The following EYS variants were observed in gnomAD, a reference collection of about 807,000 sequenced individuals.
EYS encodes protein eyes shut homolog.
A neutral mutation model predicts 282.1 loss-of-function variants in EYS; 250 were observed. The observed-to-expected ratio is 0.89, with a 90% CI of 0.80 to 0.98. EYS has a LOEUF of 0.98. Ranked by LOEUF, EYS falls within the 50% of genes least tolerant of loss-of-function variation. The pLI is 0.00. For synonymous variants in EYS, 1,355 were observed against 1,282.9 expected (o/e 1.06, Z -1.20); for missense variants, 4,016 against 3,709.0 (o/e 1.08, Z -2.15).
chr6:63,876,968 A>G (rs964296376), intron 35 of EYS, among the ~76,000 whole-genome samples: 3 of 152,140 alleles, frequency 2.0e-5, no homozygotes, highest in African/African-American at 4.8e-5. Flanking sequence ...GCCCATTTAC[A>G]TTTAAGGTTA....
At chr6:64,094,074 T>G (rs1398845914) in intron 31 of EYS, among the ~76,000 whole-genome samples, 1 of 152,222 alleles carries the variant, frequency 6.6e-6, no homozygotes, top group Non-Finnish European at 1.5e-5. Context: ...TTTGCGTATG[T>G]GGAACCAGCC....
chr6:63,844,227 T>C (rs1772039632), intron 36 of EYS, among the ~76,000 whole-genome samples: 2 of 152,234 alleles, frequency 1.3e-5, no homozygotes, highest in African/African-American at 4.8e-5. Context: ...AGTGTATATG[T>C]ACCATATTTT....
intron 5 of EYS, among the ~76,000 whole-genome samples, chr6:65,469,875 G>A (rs1765144828): frequency 6.6e-6 from 1 of 152,080 alleles, no homozygotes; most frequent in Admixed American, 6.6e-5. Flanking sequence ...CCTAGCTTTA[G>A]CCTAAGTATA....
intron 12 of EYS, 57 bp downstream of exon 12, chr6:65,295,806 T>C: frequency 7.5e-7 from 1 of 1,334,956 alleles, no homozygotes; most frequent in Non-Finnish European, 1.0e-6. Flanking sequence ...ATCAAATAAA[T>C]ATATTAACAA....
At chr6:63,812,481 A>G (rs1006338378) in intron 36 of EYS, among the ~76,000 whole-genome samples, 2 of 152,038 alleles carry the variant, frequency 1.3e-5, no homozygotes, top group African/African-American at 2.4e-5. Context: ...CTTTATTTAC[A>G]TGGCCCAATT....
chr6:65,604,824 C>T (rs1427403506), intron 2 of EYS, among the ~76,000 whole-genome samples: 2 of 145,990 alleles, frequency 1.4e-5, no homozygotes, highest in African/African-American at 5.0e-5. Context: ...TGTAAAAGAC[C>T]TTTAAATTCA....
chr6:65,391,974 T>C (rs1409539290), intron 7 of EYS, among the ~76,000 whole-genome samples: 1 of 151,608 alleles, frequency 6.6e-6, no homozygotes, highest in East Asian at 1.9e-4. Flanking sequence ...AAAACAGAGA[T>C]ATAGATCAAT....
chr6:64,310,956 A>T (rs1218640076), intron 29 of EYS, among the ~76,000 whole-genome samples: 4 of 152,164 alleles, frequency 2.6e-5, no homozygotes, highest in Non-Finnish European at 5.9e-5. Context: ...AAATTTATCC[A>T]ATCTTCATTT....
At chr6:64,514,448 C>T (rs1303060898) in intron 26 of EYS, among the ~76,000 whole-genome samples, 1 of 151,776 alleles carries the variant, frequency 6.6e-6, no homozygotes, top group Admixed American at 6.6e-5. Context: ...TCAGGACAGC[C>T]GGGCCATGGC....
At chr6:65,510,987 G>A (rs1452161998) in intron 2 of EYS, among the ~76,000 whole-genome samples, 3 of 152,102 alleles carry the variant, frequency 2.0e-5, no homozygotes, top group Admixed American at 1.3e-4. Context: ...ACTTTAAGGC[G>A]AGGGTTAATT....
chr6:64,430,565 G>T (rs1774544153), intron 28 of EYS, among the ~76,000 whole-genome samples: 1 of 152,160 alleles, frequency 6.6e-6, no homozygotes, highest in East Asian at 1.9e-4. Context: ...ACTACTAAGT[G>T]TTATAAATTG....
intron 15 of EYS, among the ~76,000 whole-genome samples, chr6:64,916,179 C>T (rs545897679): frequency 6.6e-6 from 1 of 152,226 alleles, no homozygotes; most frequent in South Asian, 2.1e-4. Context: ...GGGTATTGCA[C>T]AAGTATTTAT....
At chr6:63,867,113 A>G (rs1581912080) in intron 35 of EYS, among the ~76,000 whole-genome samples, 1 of 152,122 alleles carries the variant, frequency 6.6e-6, no homozygotes, top group Admixed American at 6.6e-5. Context: ...GGCAGTGTTG[A>G]CCCAGAAAGG....
Position 64,392,589 on chromosome 6 carries a change from G to C in EYS, c.5928-3749C>G, listed in dbSNP as rs201339933. On this transcript the variant is annotated intron_variant, in intron 28 of 42. Coordinates refer to ENST00000503581, the MANE Select transcript of EYS (RefSeq NM_001142800.2). ...GTTCTTTGAAACCAATGAGAACAAA[G>C]ACACAACATACCAGAATCTCTGGGA... 1.3e-4 allele frequency among the ~76,000 whole-genome samples: 19 copies of C among 151,766 alleles called. No individual in the cohort carries two copies. In the East Asian group the frequency reaches 3.3e-3, roughly 26 times the overall value.
intron 39 of EYS, among the ~76,000 whole-genome samples, chr6:63,780,406 C>T (rs1455463992): frequency 6.6e-6 from 1 of 152,118 alleles, no homozygotes. Flanking sequence ...CTCTCCAGCA[C>T]CTGTTGTTTC....
In EYS at chr6:64,686,742, A is replaced by AATATATATATATATATATGTGTATAT. The variant is rs1562133589; in HGVS notation, c.3444-60498_3444-60497insATATACACATATATATATATATATAT. 7.1e-4 allele frequency among the ~76,000 whole-genome samples: 24 copies of AATATATATATATATATATGTGTATAT among 33,726 alleles called. 2 individuals are homozygous for AATATATATATATATATATGTGTATAT. The highest frequency in any genetic ancestry group is 8.8e-4 in the African/African-American group (13 of 14,748). The allele number at this position is 33,726 out of a possible 152,430, so 22.1% of individuals were successfully genotyped here. A position where few individuals can be genotyped will look rare whatever the true frequency, so the allele number is the denominator to read the frequency against. ...GGGCGACAGAGCAAGATTCCATCTA[A>AATATATATATATATATATGTGTATAT]ATATATATATATATATATATGTGTG... On this transcript the variant is annotated intron_variant, in intron 22 of 42. Coordinates refer to ENST00000503581, the MANE Select transcript of EYS (RefSeq NM_001142800.2).
rs1765898943 is a variant in EYS at position 65,201,458 on chromosome 6, C to T, written c.2023+94405G>A. The stretch of plus-strand genomic sequence containing the variant: ...TAGTTTTAATACTCTTCTTTATGTG[C>T]TCTAAGTGGCTCCATTGGCTAGGTT... On this transcript the variant is annotated intron_variant, in intron 12 of 42. Transcript: ENST00000503581. Among the ~76,000 whole-genome samples, 4 of 151,998 alleles carry T rather than the reference C, an allele frequency of 2.6e-5. No individual in the cohort carries two copies. In the South Asian group the frequency reaches 8.3e-4, roughly 32 times the overall value.
chr6:64,817,238 G>T (rs1213528581), intron 21 of EYS, among the ~76,000 whole-genome samples: 1 of 151,978 alleles, frequency 6.6e-6, no homozygotes, highest in African/African-American at 2.4e-5. Flanking sequence ...AGAATGAGAA[G>T]AACTTGTTAA....
chr6:64,850,789 A>AT (rs1213203913), intron 19 of EYS, among the ~76,000 whole-genome samples: 1 of 152,100 alleles, frequency 6.6e-6, no homozygotes, highest in African/African-American at 2.4e-5. Flanking sequence ...TTCAAAAGTA[A>AT]TTAAGAAGAC....
Sources: allele counts gnomAD v4.1 joint callset (sites outside exome capture counted in the v4.1 genomes callset), GRCh38; gene constraint gnomAD v4.1.1; transcripts MANE v1.5; gene names NCBI Gene and HGNC (gene_info 2026-07-23, HGNC 2026-07-21).